Variants in TRAPPC8 observed in about 807,000 individuals in gnomAD.
The protein encoded by TRAPPC8 is trafficking protein particle complex subunit 8, also known as general sporulation gene 1 homolog.
Under a neutral mutation model 174.3 loss-of-function variants are expected in TRAPPC8, and 54 were observed. That is an observed-to-expected ratio of 0.31 (90% CI 0.25 to 0.39). The LOEUF is 0.39. TRAPPC8 is among the 10% of genes least tolerant of loss of function. TRAPPC8 has a pLI of 1.00. For missense variants in TRAPPC8, 1,531 were observed against 1,699.1 expected, an observed-to-expected ratio of 0.90 and a Z score of 1.74; for synonymous variants, 630 against 579.9, an observed-to-expected ratio of 1.09 and a Z score of -1.24.
intron 11 of TRAPPC8, among the ~76,000 whole-genome samples, chr18:31,892,320 A>G (rs916344425): frequency 6.6e-6 from 1 of 152,116 alleles, no homozygotes; most frequent in African/African-American, 2.4e-5. Flanking sequence ...AAATACACAT[A>G]TATTTTGATA....
At chr18:31,893,901 A>C (rs1182639528) in intron 11 of TRAPPC8, among the ~76,000 whole-genome samples, 1 of 152,224 alleles carries the variant, frequency 6.6e-6, no homozygotes, top group African/African-American at 2.4e-5. Context: ...AAGCTTCACT[A>C]AACTGCAAAA....
chr18:31,885,807 C>A (rs1451538976), intron 12 of TRAPPC8, among the ~76,000 whole-genome samples: 1 of 151,208 alleles, frequency 6.6e-6, no homozygotes, highest in Non-Finnish European at 1.5e-5. Context: ...TTGCAGTGAG[C>A]CGAGATCGCG....
intron 12 of TRAPPC8, among the ~76,000 whole-genome samples, chr18:31,879,979 AAAAT>A (rs1338514180): frequency 1.6e-5 from 2 of 128,492 alleles, no homozygotes; most frequent in Non-Finnish European, 3.3e-5. Flanking sequence ...ATTAAAAAAA[AAAAT>A]AAATAAACAA....
At chr18:31,891,816 G>A (rs1028580912) in intron 11 of TRAPPC8, among the ~76,000 whole-genome samples, 2 of 152,176 alleles carry the variant, frequency 1.3e-5, no homozygotes, top group Admixed American at 1.3e-4. Context: ...AGTGTTCACA[G>A]ACCATTGATT....
chr18:31,856,517 C>T (rs1339397393), intron 20 of TRAPPC8, among the ~76,000 whole-genome samples: 1 of 152,074 alleles, frequency 6.6e-6, no homozygotes, highest in African/African-American at 2.4e-5. Context: ...TGAGCCACTG[C>T]GCCCAGCCTT....
At chr18:31,888,638 G>T (rs2035826522) in intron 12 of TRAPPC8, among the ~76,000 whole-genome samples, 1 of 152,208 alleles carries the variant, frequency 6.6e-6, no homozygotes, top group Non-Finnish European at 1.5e-5. Context: ...GAAGCTGGAA[G>T]CCATTATCCT....
At position 31,913,358 on chromosome 18, in the gene TRAPPC8, T is replaced by C; in HGVS notation, c.771+11A>G. 1 of 1,555,848 alleles carries C rather than the reference T, an allele frequency of 6.4e-7. No homozygotes were observed. Among genetic ancestry groups the C allele is most frequent in the Non-Finnish European group, 8.6e-7 (1 of 1,158,108 alleles). On this transcript the variant is annotated intron_variant, in intron 5 of 28. Coordinates refer to ENST00000283351, the MANE Select transcript of TRAPPC8 (RefSeq NM_014939.5). ...TTTTTGTGGTTTGCTTCATTTATTT[T>C]TTACATATACCTGGTTTTGAATACT... is the stretch of plus-strand genomic sequence containing the variant.
chr18:31,935,548 T>TGGAAAAAAAAAAAA (rs745488703), intron 1 of TRAPPC8, among the ~76,000 whole-genome samples: 2 of 46,286 alleles, frequency 4.3e-5, no homozygotes, highest in Non-Finnish European at 7.1e-5. Flanking sequence ...AACTCCATCT[T>TGGAAAAAAAAAAAA]AAAAAAAAAA....
At chr18:31,912,664 A>G (rs2036966162) in intron 5 of TRAPPC8, among the ~76,000 whole-genome samples, 1 of 152,030 alleles carries the variant, frequency 6.6e-6, no homozygotes, top group Non-Finnish European at 1.5e-5. Flanking sequence ...CTGTTTCAAA[A>G]AAAAAGAAAA....
intron 27 of TRAPPC8, among the ~76,000 whole-genome samples, chr18:31,834,088 GGTTGTTGTTGTTGTT>G (rs35486513): frequency 6.7e-6 from 1 of 148,936 alleles, no homozygotes; most frequent in African/African-American, 2.5e-5. Flanking sequence ...ATCACATTTT[GGTTGTTGTTGTTGTT>G]GTTGTTGTTG....
intron 1 of TRAPPC8, among the ~76,000 whole-genome samples, chr18:31,941,427 G>C (rs760330318): frequency 6.6e-6 from 1 of 152,098 alleles, no homozygotes; most frequent in Non-Finnish European, 1.5e-5. Context: ...TGGGCAACAA[G>C]AGCGAAACTC....
intron 1 of TRAPPC8, 44 bp downstream of exon 1, chr18:31,942,564 A>G (rs1224751540): frequency 2.0e-6 from 3 of 1,485,818 alleles, no homozygotes; most frequent in Non-Finnish European, 2.7e-6. Flanking sequence ...TCTCCCGACC[A>G]CGGCTTTGCG....
chr18:31,925,827 G>A (rs911694727), intron 2 of TRAPPC8, among the ~76,000 whole-genome samples: 16 of 152,204 alleles, frequency 1.1e-4, no homozygotes, highest in Non-Finnish European at 2.1e-4. Context: ...GATCAATTCT[G>A]AGGGAAATGA....
intron 4 of TRAPPC8, 90 bp from the exon 5 acceptor site, chr18:31,913,612 A>G: frequency 9.9e-7 from 1 of 1,006,224 alleles, no homozygotes; most frequent in South Asian, 2.4e-5. Flanking sequence ...AATAACATTA[A>G]AATAATCCCC....
chr18:31,864,572 G>C, intron 19 of TRAPPC8, 55 bp downstream of exon 19: 1 of 1,542,876 alleles, frequency 6.5e-7, no homozygotes, highest in Non-Finnish European at 8.8e-7. Context: ...AATTTACTCA[G>C]AATATTTGCT....
At position 31,942,908 on chromosome 18, in the gene TRAPPC8, G is replaced by A. The variant is rs1030818081; in HGVS notation, c.-144C>T. 4.1e-5 allele frequency: 51 copies of A among 1,239,892 alleles called. No homozygotes were observed. Among genetic ancestry groups the A allele is most frequent in the Non-Finnish European group, 4.6e-5 (46 of 992,174 alleles). The allele number at this position is 1,239,892 out of a possible 1,614,324, so 76.8% of individuals were successfully genotyped here. On this transcript the variant is annotated 5_prime_UTR_variant, in exon 1 of 29. Coordinates refer to ENST00000283351, the MANE Select transcript of TRAPPC8 (RefSeq NM_014939.5). ...CGCACTGGAGCCTAGAAACAAGAAG[G>A]AACAGACGCCGCCGCTTCGGTTTCT...
At chr18:31,922,046 A>G (rs1168748530) in intron 2 of TRAPPC8, among the ~76,000 whole-genome samples, 1 of 152,184 alleles carries the variant, frequency 6.6e-6, no homozygotes, top group African/African-American at 2.4e-5. Context: ...TCATAAAAGT[A>G]CTAAAAGAGT....
In TRAPPC8 at chr18:31,916,329, G is replaced by C; in HGVS notation, c.560C>G (p.Pro187Arg). The C allele has an allele frequency of 6.2e-7, 1 of 1,612,360 alleles. No homozygotes were observed. The highest frequency in any genetic ancestry group is 8.5e-7 in the Non-Finnish European group (1 of 1,179,292). The change falls in exon 4 of 29, where the codon CCA (proline) becomes CGA (arginine). Residue 187 changes from proline to arginine, a missense_variant. Transcript: ENST00000283351. The stretch of plus-strand genomic sequence containing the variant: ...AAGTACATAGTATTTAAGTGTATTT[G>C]GTATAAACCACTTGGGGTAGGAATA... ...SDYSYPKWFIPNTLKYYVLLH... is the reference protein window; with the variant it reads ...SDYSYPKWFIRNTLKYYVLLH...
At chr18:31,874,827 T>C in intron 12 of TRAPPC8, 123 bp from the exon 13 acceptor site, 2 of 733,828 alleles carry the variant, frequency 2.7e-6, no homozygotes. Context: ...GGGACTGGGA[T>C]AATGAAGAAA....
Sources: allele counts gnomAD v4.1 joint callset (sites outside exome capture counted in the v4.1 genomes callset), GRCh38; gene constraint gnomAD v4.1.1; transcripts MANE v1.5; gene names NCBI Gene and HGNC (gene_info 2026-07-23, HGNC 2026-07-21).